Variants in MID1 observed in about 807,000 individuals in gnomAD.
MID1 encodes the protein E3 ubiquitin-protein ligase Midline-1.
A neutral mutation model predicts 40.4 loss-of-function variants in MID1; 7 were observed. The observed-to-expected ratio is 0.17, with a 90% CI of 0.10 to 0.33. The LOEUF (loss-of-function observed/expected upper bound fraction) is 0.33. Among genes scored for constraint, MID1 ranks in the 10% least tolerant of loss-of-function variants. MID1 has a pLI of 1.00. For missense variants in MID1, 367 were observed against 558.5 expected (o/e 0.66, Z 3.46); for synonymous variants, 229 against 221.2 (o/e 1.04, Z -0.31).
rs1320738624 is a variant in MID1 at position 10,539,298 on chromosome X, G to A, written c.661-16111C>T. Among the ~76,000 whole-genome samples, 19 of 111,588 alleles carry A rather than the reference G, an allele frequency of 1.7e-4. No homozygotes were observed. In the Admixed American group the frequency reaches 1.8e-3, roughly 11 times the overall value. ...TCCAAGAATGAAATCATTAGATCGT[G>A]CGGCTGGCTCTAGATCAGACAGATG... On this transcript the variant is annotated intron_variant, in intron 2 of 9. Transcript: ENST00000317552.
intron 1 of MID1, among the ~76,000 whole-genome samples, chrX:10,799,466 G>A (rs971556520): frequency 8.9e-6 from 1 of 112,004 alleles, no homozygotes; most frequent in Non-Finnish European, 1.9e-5. Flanking sequence ...CATGAGGATA[G>A]CAGAAAAATC....
chrX:10,451,050 G>T (rs1928301804), intron 9 of MID1, among the ~76,000 whole-genome samples: 1 of 111,776 alleles, frequency 8.9e-6, no homozygotes, highest in Non-Finnish European at 1.9e-5. Flanking sequence ...CACTTTAAGA[G>T]TGGTGTGTTT....
At chrX:10,461,384 C>CTAAT (rs1929032924) in intron 7 of MID1, among the ~76,000 whole-genome samples, 1 of 110,665 alleles carries the variant, frequency 9.0e-6, no homozygotes. Flanking sequence ...TTTATTTTCT[C>CTAAT]TAATTCTTAG....
chrX:10,588,285 G>C (rs112617809), intron 1 of MID1, among the ~76,000 whole-genome samples: 1,534 of 111,687 alleles, frequency 0.014, 38 homozygotes, highest in African/African-American at 0.047. Flanking sequence ...CAATAGTACT[G>C]AGTACTTTTA....
intron 2 of MID1, 126 bp from the exon 3 acceptor site, chrX:10,523,313 T>G: frequency 1.0e-5 from 5 of 500,417 alleles, no homozygotes; most frequent in Non-Finnish European, 1.7e-5. Flanking sequence ...GAAATCGACA[T>G]AATTTCAAGT....
chrX:10,740,869 G>GA (rs1011541478), intron 1 of MID1, among the ~76,000 whole-genome samples: 39 of 95,300 alleles, frequency 4.1e-4, no homozygotes, highest in African/African-American at 1.4e-3. Flanking sequence ...CAGGCACTTT[G>GA]AAAAAAAAAA....
At chrX:10,709,607 G>A (rs1602529528) in intron 1 of MID1, among the ~76,000 whole-genome samples, 1 of 112,129 alleles carries the variant, frequency 8.9e-6, no homozygotes, top group Admixed American at 9.5e-5. Flanking sequence ...CACCATCATA[G>A]TTGTCACCCA....
At chrX:10,813,385 T>A (rs977059492) in intron 1 of MID1, among the ~76,000 whole-genome samples, 1 of 111,465 alleles carries the variant, frequency 9.0e-6, no homozygotes, top group African/African-American at 3.3e-5. Flanking sequence ...GTTCATTACA[T>A]CCTCTCAATG....
intron 1 of MID1, among the ~76,000 whole-genome samples, chrX:10,782,213 T>C (rs1221339417): frequency 8.9e-6 from 1 of 111,899 alleles, no homozygotes; most frequent in Non-Finnish European, 1.9e-5. Flanking sequence ...ATGAAATCTC[T>C]TTTCTTCCTC....
At position 10,469,803 on chromosome X, in the gene MID1, T is replaced by C; in HGVS notation, c.1179A>G (p.Thr393=). 1 of 1,211,332 alleles carries C rather than the reference T, an allele frequency of 8.3e-7. No individual in the cohort carries two copies. ...GCACAGTGATGGTGTCATATGAAGC[T>C]GTGCAGAGCTCTTCTCTAATTGTGG... ...NPPTIREELC[T]ASYDTITVHW... The change falls in exon 7 of 10, where the codon ACA becomes ACG. Residue 393 remains threonine, a synonymous_variant. Coordinates refer to ENST00000317552, the MANE Select transcript of MID1 (RefSeq NM_000381.4).
At chrX:10,456,408 G>A (rs1000820969) in intron 8 of MID1, among the ~76,000 whole-genome samples, 1 of 112,540 alleles carries the variant, frequency 8.9e-6, no homozygotes, top group South Asian at 3.7e-4. Context: ...GGGCAGCCAC[G>A]GACAGGACAA....
At chrX:10,803,479 A>G (rs1401655792) in intron 1 of MID1, among the ~76,000 whole-genome samples, 2 of 108,722 alleles carry the variant, frequency 1.8e-5, no homozygotes, top group Non-Finnish European at 3.8e-5. Context: ...CAGCCTCCCA[A>G]GTAGCTGGGA....
chrX:10,780,259 C>T (rs1165318956), intron 1 of MID1, among the ~76,000 whole-genome samples: 4 of 111,818 alleles, frequency 3.6e-5, no homozygotes, highest in African/African-American at 1.3e-4. Context: ...AGACACCATG[C>T]CAGGCCAGAG....
At chrX:10,466,338 A>T (rs1432839081) in intron 7 of MID1, among the ~76,000 whole-genome samples, 1 of 112,141 alleles carries the variant, frequency 8.9e-6, no homozygotes, top group Non-Finnish European at 1.9e-5. Flanking sequence ...TACATTAATT[A>T]TATTCCCCCC....
chrX:10,771,660 T>A (rs914677315), intron 1 of MID1, among the ~76,000 whole-genome samples: 2 of 86,293 alleles, frequency 2.3e-5, no homozygotes, highest in East Asian at 6.6e-4. Flanking sequence ...CCTGGCTAAT[T>A]TTTTTTTTTT....
chrX:10,587,651 G>T (rs1264451804), intron 1 of MID1, among the ~76,000 whole-genome samples: 4 of 112,599 alleles, frequency 3.6e-5, no homozygotes, highest in Non-Finnish European at 7.5e-5. Context: ...CGTGCACATG[G>T]AATATTTGAT....
At chrX:10,734,027 T>C (rs1483080668) in intron 1 of MID1, among the ~76,000 whole-genome samples, 1 of 112,115 alleles carries the variant, frequency 8.9e-6, no homozygotes, top group Non-Finnish European at 1.9e-5. Flanking sequence ...TTCATAACAG[T>C]CCCAAACTGT....
chrX:10,586,922 G>GT (rs1236217069), intron 1 of MID1, among the ~76,000 whole-genome samples: 4 of 112,689 alleles, frequency 3.5e-5, no homozygotes, highest in Admixed American at 9.3e-5. Flanking sequence ...TGGGGCTGAC[G>GT]TGAGTTTTTC....
At chrX:10,723,718 ATT>A (rs1361508930) in intron 1 of MID1, among the ~76,000 whole-genome samples, 2 of 111,715 alleles carry the variant, frequency 1.8e-5, no homozygotes, top group Non-Finnish European at 3.8e-5. Context: ...CGCCCGGCTA[ATT>A]TTTTTGTATT....
Sources: allele counts gnomAD v4.1 joint callset (sites outside exome capture counted in the v4.1 genomes callset), GRCh38; gene constraint gnomAD v4.1.1; transcripts MANE v1.5; gene names NCBI Gene and HGNC (gene_info 2026-07-23, HGNC 2026-07-21).